The following STK3 variants were observed in gnomAD, a reference collection of about 807,000 sequenced individuals.
The protein encoded by STK3 is serine/threonine kinase 3, also known as serine/threonine-protein kinase 3.
STK3 carries 41 observed loss-of-function variants against 58.0 expected under a neutral mutation model. The observed-to-expected ratio is 0.71, with a 90% CI of 0.55 to 0.92. The LOEUF is 0.92. Ranked by LOEUF, STK3 falls within the 40% of genes least tolerant of loss-of-function variation. The pLI is 0.00. For missense variants in STK3, 479 were observed against 602.7 expected, an observed-to-expected ratio of 0.79 and a Z score of 2.15; for synonymous variants, 170 against 191.0, an observed-to-expected ratio of 0.89 and a Z score of 0.91.
downstream of STK3, among the ~76,000 whole-genome samples, chr8:98,368,877 G>C (rs1251081573): frequency 6.6e-6 from 1 of 152,142 alleles, no homozygotes; most frequent in Non-Finnish European, 1.5e-5. Context: ...TGAGGTTGGG[G>C]CTGATGGCCT....
intron 6 of STK3, among the ~76,000 whole-genome samples, chr8:98,704,788 G>T (rs1156622027): frequency 6.6e-6 from 1 of 152,058 alleles, no homozygotes; most frequent in Admixed American, 6.5e-5. Context: ...CTATTTGGTT[G>T]GAAAAATAAG....
intron 6 of STK3, among the ~76,000 whole-genome samples, chr8:98,622,391 T>C (rs1818401643): frequency 6.6e-6 from 1 of 152,196 alleles, no homozygotes; most frequent in Non-Finnish European, 1.5e-5. Context: ...GGATGTATAT[T>C]ACATTGCCAT....
intron 6 of STK3, among the ~76,000 whole-genome samples, chr8:98,643,537 A>T (rs1018518351): frequency 1.3e-5 from 2 of 152,206 alleles, no homozygotes; most frequent in Admixed American, 1.3e-4. Flanking sequence ...AAGTACAATC[A>T]GACCTTCATA....
At chr8:98,423,274 G>A (rs1458831706) in intron 3 of STK3, among the ~76,000 whole-genome samples, 1 of 152,272 alleles carries the variant, frequency 6.6e-6, no homozygotes, top group African/African-American at 2.4e-5. Flanking sequence ...AGACTGGGGA[G>A]TCAGGCCTCT....
At chr8:98,753,347 T>C (rs914901746) in intron 3 of STK3, among the ~76,000 whole-genome samples, 1 of 152,206 alleles carries the variant, frequency 6.6e-6, no homozygotes, top group Non-Finnish European at 1.5e-5. Context: ...TGGAGGCTAT[T>C]GTCCTTAGCA....
At chr8:98,359,344 T>TAA in the STK3 span, among the ~76,000 whole-genome samples, 2,008 of 55,670 alleles carry the variant, frequency 0.036, 163 homozygotes, top group African/African-American at 0.048. Context: ...CCATCTCAAC[T>TAA]AAAAAAAAAA....
At chr8:98,385,632 C>T (rs57082678) in intron 1 of STK3, among the ~76,000 whole-genome samples, 2 of 151,996 alleles carry the variant, frequency 1.3e-5, no homozygotes, top group Non-Finnish European at 2.9e-5. Context: ...GCAGTGCCCC[C>T]GTCCGTCACT....
At chr8:98,798,639 G>T (rs539359214) in intron 1 of STK3, among the ~76,000 whole-genome samples, 2 of 152,098 alleles carry the variant, frequency 1.3e-5, no homozygotes, top group Non-Finnish European at 2.9e-5. Context: ...AATGCAATCT[G>T]GTTTTCCTAT....
At chr8:98,873,585 A>G (rs1006308012) in intron 3 of STK3, among the ~76,000 whole-genome samples, 16 of 151,890 alleles carry the variant, frequency 1.1e-4, no homozygotes, top group African/African-American at 3.9e-4. Context: ...TCCCTTTACC[A>G]TTATGTAATG....
chr8:98,655,615 T>C (rs201579522), intron 6 of STK3, among the ~76,000 whole-genome samples: 46,493 of 149,482 alleles, frequency 0.31, 7,510 homozygotes, highest in Admixed American at 0.42. Context: ...CCAGAATCTA[T>C]AATGAACTCA....
At chr8:98,368,651 G>A (rs554119966), downstream of STK3, among the ~76,000 whole-genome samples, 8 of 152,234 alleles carry the variant, frequency 5.3e-5, no homozygotes, top group South Asian at 2.1e-4. Context: ...TCACAAAAGC[G>A]TGTCAGAATG....
intron 1 of STK3, among the ~76,000 whole-genome samples, chr8:98,444,325 A>T (rs1409271983): frequency 6.6e-6 from 1 of 152,154 alleles, no homozygotes; most frequent in African/African-American, 2.4e-5. Flanking sequence ...AGATGAGGAG[A>T]GGGAGGTGGG....
intron 4 of STK3, among the ~76,000 whole-genome samples, chr8:98,714,068 C>A (rs894104575): frequency 6.6e-6 from 1 of 152,028 alleles, no homozygotes; most frequent in Non-Finnish European, 1.5e-5. Flanking sequence ...AGGCCTTTGA[C>A]AAAATTCAAC....
intron 3 of STK3, among the ~76,000 whole-genome samples, chr8:98,419,231 G>A (rs1443607319): frequency 6.6e-6 from 1 of 152,116 alleles, no homozygotes; most frequent in African/African-American, 2.4e-5. Flanking sequence ...CGTGGTGGTG[G>A]GCACATATAA....
chr8:98,580,719 C>T (rs13258214), intron 7 of STK3, among the ~76,000 whole-genome samples: 3 of 152,040 alleles, frequency 2.0e-5, no homozygotes, highest in Non-Finnish European at 2.9e-5. Context: ...CTCAAGTGAT[C>T]CTCCCACCTC....
At chr8:98,590,897 A>G (rs1240671014) in intron 7 of STK3, among the ~76,000 whole-genome samples, 1 of 152,200 alleles carries the variant, frequency 6.6e-6, no homozygotes, top group African/African-American at 2.4e-5. Flanking sequence ...TATGTAAAAC[A>G]TACATGTTTT....
chr8:98,611,716 G>A (rs923956291), intron 6 of STK3, among the ~76,000 whole-genome samples: 49 of 152,138 alleles, frequency 3.2e-4, no homozygotes, highest in African/African-American at 9.7e-4. Flanking sequence ...AATCACCTGG[G>A]AAGCATTCTA....
chr8:98,505,682 G>C (rs1824001773), intron 10 of STK3, among the ~76,000 whole-genome samples: 1 of 152,166 alleles, frequency 6.6e-6, no homozygotes, highest in Non-Finnish European at 1.5e-5. Flanking sequence ...GTCTGCTGGA[G>C]GACCACTCCA....
At chr8:98,674,119 G>A (rs903880732) in intron 6 of STK3, among the ~76,000 whole-genome samples, 1 of 152,052 alleles carries the variant, frequency 6.6e-6, no homozygotes, top group African/African-American at 2.4e-5. Context: ...AATTTATTTT[G>A]TACATTTACT....
Sources: gnomAD v4.1 joint callset for allele counts (sites outside exome capture counted in the v4.1 genomes callset) on GRCh38, gnomAD v4.1.1 for gene constraint, MANE v1.5 for transcripts, NCBI Gene and HGNC (gene_info 2026-07-23, HGNC 2026-07-21) for gene names.